CUX1: variants seen among roughly 807,000 people sequenced by gnomAD.
CUX1 encodes protein CASP.
In CUX1, 31 loss-of-function variants were observed where a neutral mutation model predicts 158.8. The ratio of observed to expected loss-of-function variants is 0.20; its 90% CI spans 0.15 to 0.26. The LOEUF (loss-of-function observed/expected upper bound fraction) is 0.26, where lower values mean the gene tolerates loss of function less well. CUX1 is among the 10% of genes least tolerant of loss of function. The pLI, the probability that CUX1 is intolerant of heterozygous loss-of-function variation, is 1.00. For synonymous variants in CUX1, 879 were observed against 862.1 expected (o/e 1.02, Z -0.34); for missense variants, 1,589 against 2,014.6 (o/e 0.79, Z 4.04).
intron 20 of CUX1, among the ~76,000 whole-genome samples, chr7:102,226,190 A>G (rs539362131): frequency 3.3e-5 from 5 of 152,314 alleles, no homozygotes; most frequent in Admixed American, 3.3e-4. Flanking sequence ...GGCGACCCCA[A>G]CAAGGCAGAG....
At chr7:102,130,512 C>T (rs1469282869) in intron 8 of CUX1, among the ~76,000 whole-genome samples, 1 of 152,030 alleles carries the variant, frequency 6.6e-6, no homozygotes, top group African/African-American at 2.4e-5. Flanking sequence ...AAAACCCCAT[C>T]TCTACTAAAA....
At chr7:102,022,931 A>C (rs1392833598) in intron 2 of CUX1, among the ~76,000 whole-genome samples, 1 of 152,194 alleles carries the variant, frequency 6.6e-6, no homozygotes, top group Non-Finnish European at 1.5e-5. Flanking sequence ...GTTTTAAAAC[A>C]TGGCCGGGTG....
chr7:102,121,679 A>G (rs1832063855), intron 8 of CUX1, among the ~76,000 whole-genome samples: 1 of 152,092 alleles, frequency 6.6e-6, no homozygotes, highest in Admixed American at 6.5e-5. Context: ...CTATTTCACA[A>G]TGATTTCCTG....
intron 20 of CUX1, among the ~76,000 whole-genome samples, chr7:102,213,447 C>G (rs1796743500): frequency 6.6e-6 from 1 of 152,248 alleles, no homozygotes; most frequent in Non-Finnish European, 1.5e-5. Flanking sequence ...CTAGGCTAGA[C>G]ACAGCCGGCG....
At chr7:102,132,310 C>T (rs111262786) in intron 8 of CUX1, among the ~76,000 whole-genome samples, 13,230 of 25,300 alleles carry the variant, frequency 0.52, 961 homozygotes, top group African/African-American at 0.55. Flanking sequence ...TGTGTGTGTG[C>T]GCGCGCGCGC....
At chr7:102,221,737 TAA>T (rs60706791) in intron 20 of CUX1, among the ~76,000 whole-genome samples, 9 of 134,048 alleles carry the variant, frequency 6.7e-5, no homozygotes, top group Admixed American at 7.4e-5. Context: ...CAGTGCCTTG[TAA>T]AAAAAAAAAA....
chr7:101,871,445 C>T lies in CUX1; in HGVS notation c.31-44670C>T, dbSNP rs143383843. ...GTTGGTAGAAGAGTGAGCAGAATGG[C>T]CACTGGAGAGCCACTTGGTGGAGGT... On this transcript the variant is annotated intron_variant, in intron 1 of 23. Transcript: ENST00000292535. 2.9e-4 allele frequency among the ~76,000 whole-genome samples: 44 copies of T among 151,950 alleles called. No individual in the cohort carries two copies. In the East Asian group the frequency reaches 7.0e-3, roughly 24 times the overall value.
At chr7:101,842,280 A>G (rs1327136685) in intron 1 of CUX1, among the ~76,000 whole-genome samples, 1 of 152,250 alleles carries the variant, frequency 6.6e-6, no homozygotes, top group Non-Finnish European at 1.5e-5. Context: ...AAAAAACGTT[A>G]TATATGCAGT....
intron 17 of CUX1, among the ~76,000 whole-genome samples, chr7:102,275,989 G>T (rs1791578391): frequency 6.8e-6 from 1 of 147,126 alleles, no homozygotes; most frequent in African/African-American, 2.6e-5. Flanking sequence ...TCCAGCCTGT[G>T]TGACAGAGCA....
chr7:101,956,075 G>A (rs575278770), intron 2 of CUX1, among the ~76,000 whole-genome samples: 6 of 150,786 alleles, frequency 4.0e-5, no homozygotes, highest in Admixed American at 6.6e-5. Flanking sequence ...CCAGCTACTC[G>A]GGAGGCTGAG....
chr7:102,216,528 TCC>T lies in CUX1; in HGVS notation c.3131-10833_3131-10832del, dbSNP rs781825609. Among the ~76,000 whole-genome samples the T allele has an allele frequency of 4.7e-3, 368 of 78,634 alleles. 4 individuals carry two copies. The highest frequency in any genetic ancestry group is 0.024 in the East Asian group (19 of 804). The allele number at this position is 78,634 out of a possible 152,430, so 51.6% of individuals were successfully genotyped here. On this transcript the variant is annotated intron_variant, in intron 20 of 23. Coordinates refer to ENST00000292535, the MANE Select transcript of CUX1 (RefSeq NM_181552.4). ...CGTGTGTGCGCGCACACACACACTCTCCCCCCCACACACACACACCCACACAC... is the reference window on the plus strand; with the variant it reads ...CGTGTGTGCGCGCACACACACACTCTCCCCCACACACACACACCCACACAC...
At chr7:102,060,771 C>A (rs548074635) in intron 3 of CUX1, among the ~76,000 whole-genome samples, 1 of 151,932 alleles carries the variant, frequency 6.6e-6, no homozygotes, top group Non-Finnish European at 1.5e-5. Flanking sequence ...TGCCACCACA[C>A]CTGGCTGATT....
At chr7:101,888,481 C>G (rs983628649) in intron 1 of CUX1, among the ~76,000 whole-genome samples, 3 of 152,164 alleles carry the variant, frequency 2.0e-5, no homozygotes, top group African/African-American at 7.2e-5. Context: ...TTGGTTTATT[C>G]TGTTTCTCCA....
chr7:102,057,330 T>G (rs1824284508), intron 3 of CUX1, among the ~76,000 whole-genome samples: 2 of 152,194 alleles, frequency 1.3e-5, no homozygotes, highest in Non-Finnish European at 2.9e-5. Context: ...AGCACATGGA[T>G]CAGGGAGTAA....
chr7:102,247,226 G>A (rs1357484683), intron 23 of CUX1, among the ~76,000 whole-genome samples: 8 of 128,502 alleles, frequency 6.2e-5, no homozygotes, highest in Admixed American at 2.2e-4. Flanking sequence ...AAAAAAAAAA[G>A]AAAGAAAAAA....
At chr7:102,119,132 G>A (rs1831760948) in intron 8 of CUX1, among the ~76,000 whole-genome samples, 1 of 152,218 alleles carries the variant, frequency 6.6e-6, no homozygotes, top group African/African-American at 2.4e-5. Flanking sequence ...AAGCTGTCGA[G>A]AGATAGAAGC....
intron 4 of CUX1, among the ~76,000 whole-genome samples, chr7:102,073,357 G>C (rs1445428852): frequency 6.6e-6 from 1 of 151,662 alleles, no homozygotes; most frequent in African/African-American, 2.4e-5. Flanking sequence ...TACTTTAGTA[G>C]AGACGGGGTT....
rs116451997 is a variant in CUX1, at chr7:102,072,472, A to T, written c.268+2055A>T. On this transcript the variant is annotated intron_variant, in intron 4 of 23. Transcript: ENST00000292535. ...TATGCGAACGAAGACTTGGCCCTGC[A>T]ATCAGTCTGGTTGGTTGCAACCAAT... is the stretch of plus-strand genomic sequence containing the variant. 6.0e-3 allele frequency among the ~76,000 whole-genome samples: 910 copies of T among 152,322 alleles called. 9 individuals carry two copies. The highest frequency in any genetic ancestry group is 0.021 in the African/African-American group (876 of 41,574).
At chr7:102,155,381 CAAA>C (rs562482446) in intron 8 of CUX1, among the ~76,000 whole-genome samples, 4 of 110,124 alleles carry the variant, frequency 3.6e-5, no homozygotes, top group African/African-American at 6.4e-5. Context: ...TTGTCTCTAC[CAAA>C]AAAAAAAAAA....
Sources: allele counts gnomAD v4.1 joint callset (sites outside exome capture counted in the v4.1 genomes callset), GRCh38; gene constraint gnomAD v4.1.1; transcripts MANE v1.5; gene names NCBI Gene and HGNC (gene_info 2026-07-23, HGNC 2026-07-21).